The following SLC6A2 variants were observed in gnomAD, a reference collection of about 807,000 sequenced individuals.
The protein encoded by SLC6A2 is sodium-dependent noradrenaline transporter.
In SLC6A2, 26 loss-of-function variants were observed where a neutral mutation model predicts 71.7. The ratio of observed to expected loss-of-function variants is 0.36; its 90% CI spans 0.27 to 0.50. The LOEUF is 0.50. Among genes scored for constraint, SLC6A2 ranks in the 20% least tolerant of loss-of-function variants. SLC6A2 has a pLI of 0.96. For synonymous variants in SLC6A2, 363 were observed against 337.9 expected (o/e 1.07, Z -0.82); for missense variants, 581 against 803.9 (o/e 0.72, Z 3.35).
Position 55,702,756 on chromosome 16 carries a change from AAAAAACT to A in SLC6A2, c.*415_*421del, listed in dbSNP as rs1567461548. The A allele has an allele frequency of 3.8e-6, 4 of 1,052,748 alleles. No individual in the cohort carries two copies. The African/African-American group carries it at 7.0e-5, about 18-fold the overall frequency. 65.2% of individuals were successfully genotyped at this position (1,052,748 alleles called of 1,614,324 possible). A position where few individuals can be genotyped will look rare whatever the true frequency, so the allele number is the denominator to read the frequency against. On this transcript the variant is annotated 3_prime_UTR_variant, in exon 15 of 15. Coordinates refer to ENST00000568943, the MANE Select transcript of SLC6A2 (RefSeq NM_001172501.3). ...GATCAGATACCCCTCCCAAAAAAAA[AAAAAACT>A]AAAACTAAAGCAAAAATCAAACAAA... is the stretch of plus-strand genomic sequence containing the variant.
intron 7 of SLC6A2, among the ~76,000 whole-genome samples, chr16:55,694,470 G>C (rs776152906): frequency 1.8e-4 from 27 of 152,112 alleles, no homozygotes; most frequent in Non-Finnish European, 2.8e-4. Context: ...CTGAGGGCCT[G>C]GCAGGGTCAG....
At chr16:55,673,130 C>G (rs1964975342) in intron 4 of SLC6A2, among the ~76,000 whole-genome samples, 5 of 152,318 alleles carry the variant, frequency 3.3e-5, no homozygotes, top group Non-Finnish European at 1.5e-5. Context: ...ATTTTCATGA[C>G]CTTGACACTT....
At chr16:55,658,400 C>T (rs188353355) in intron 2 of SLC6A2, among the ~76,000 whole-genome samples, 3 of 152,208 alleles carry the variant, frequency 2.0e-5, no homozygotes, top group Admixed American at 6.5e-5. Context: ...GTAATCCCAG[C>T]TACGCAGGAG....
chr16:55,696,197 T>A, intron 8 of SLC6A2, 28 bp from the exon 9 acceptor site: 1 of 1,369,474 alleles, frequency 7.3e-7, no homozygotes. Flanking sequence ...GTTTCAGCCA[T>A]TGATGAGGTC....
chr16:55,698,264 C>T (rs1158492689), intron 10 of SLC6A2, among the ~76,000 whole-genome samples: 2 of 152,112 alleles, frequency 1.3e-5, no homozygotes, highest in Non-Finnish European at 2.9e-5. Context: ...CAGCAAAAGT[C>T]CCTTTGGAAC....
intron 5 of SLC6A2, among the ~76,000 whole-genome samples, chr16:55,690,845 G>T (rs1965594781): frequency 6.6e-6 from 1 of 152,178 alleles, no homozygotes. Flanking sequence ...GGGTGAGAAG[G>T]AATAGCAAGG....
In SLC6A2 at chr16:55,702,347, G is replaced by A. The variant is rs754462380; in HGVS notation, c.*1G>A. 8 of 1,614,124 alleles carry A rather than the reference G, an allele frequency of 5.0e-6. No homozygotes were observed. The Admixed American group carries it at 1.3e-4, about 27-fold the overall frequency. On this transcript the variant is annotated 3_prime_UTR_variant, in exon 15 of 15. Transcript: ENST00000568943. Reference sequence around the variant, plus strand: ...GTTGCAACACTGGCTGGCCATCTGAGCCTGCCTGGAGGAGAAGGAGGAACC... The same window carrying A: ...GTTGCAACACTGGCTGGCCATCTGAACCTGCCTGGAGGAGAAGGAGGAACC...
intron 13 of SLC6A2, 50 bp downstream of exon 13, chr16:55,700,356 G>A: frequency 2.1e-6 from 3 of 1,451,604 alleles, no homozygotes; most frequent in Non-Finnish European, 2.9e-6. Flanking sequence ...GGCTGAGGGG[G>A]AAGACGGGAC....
intron 2 of SLC6A2, among the ~76,000 whole-genome samples, chr16:55,669,279 C>A (rs1964838037): frequency 6.6e-6 from 1 of 152,182 alleles, no homozygotes; most frequent in African/African-American, 2.4e-5. Context: ...TCACAGCATG[C>A]ACTTGTGTAT....
chr16:55,702,990 T>C lies in SLC6A2; in HGVS notation c.*644T>C. ...TTCACTCTGGCCAATCTGAGTTTGA[T>C]GTGTGTGTTCTGGAACATTCCTCCA... On this transcript the variant is annotated 3_prime_UTR_variant, in exon 15 of 15. Transcript: ENST00000568943. The C allele has an allele frequency of 1.0e-6, 1 of 988,116 alleles. No individual in the cohort carries two copies. Among genetic ancestry groups the C allele is most frequent in the Non-Finnish European group, 1.2e-6 (1 of 831,686 alleles). 61.2% of individuals were successfully genotyped at this position (988,116 alleles called of 1,614,324 possible).
chr16:55,694,037 T>A lies in SLC6A2; in HGVS notation c.946T>A (p.Phe316Ile). Reference protein sequence around the residue: ...TVWIDAATQIFFSLGAGFGVL... With the variant: ...TVWIDAATQIIFSLGAGFGVL... The stretch of plus-strand genomic sequence containing the variant: ...ATGGATTGATGCCGCAACTCAGATA[T>A]TTTTTTCCTTGGGGGCTGGATTTGG... Residue 316 changes from phenylalanine to isoleucine, a missense_variant, in exon 7 of 15, where the codon TTT becomes ATT. By Grantham distance (21) the Phe-to-Ile change is conservative (BLOSUM62 0). Around this residue, in one of 5 missense-constraint regions of SLC6A2, gnomAD observed 334 missense variants for 449.0 expected, o/e 0.74. Coordinates refer to ENST00000568943, the MANE Select transcript of SLC6A2 (RefSeq NM_001172501.3). 6.2e-7 allele frequency: 1 copy of A among 1,612,754 alleles called. No homozygotes were observed. Among genetic ancestry groups the A allele is most frequent in the Non-Finnish European group, 8.5e-7 (1 of 1,178,704 alleles).
At position 55,671,985 on chromosome 16, in the gene SLC6A2, T is replaced by A; in HGVS notation, c.454T>A (p.Tyr152Asn). 6.2e-7 allele frequency: 1 copy of A among 1,614,140 alleles called. No homozygotes were observed. Among genetic ancestry groups the A allele is most frequent in the South Asian group, 1.1e-5 (1 of 91,072 alleles). ...GATCGCCCTGTACGTTGGCTTCTAC[T>A]ACAACGTCATCATCGCCTGGTCACT... is the stretch of plus-strand genomic sequence containing the variant. ...ILIALYVGFY[Y>N]NVIIAWSLYY... Residue 152 changes from tyrosine to asparagine, a missense_variant, in exon 4 of 15, where the codon TAC becomes AAC. Physicochemically the swap from Tyr to Asn is moderately radical, Grantham distance 143. Coordinates refer to ENST00000568943, the MANE Select transcript of SLC6A2 (RefSeq NM_001172501.3).
intron 5 of SLC6A2, among the ~76,000 whole-genome samples, chr16:55,688,705 ATGCTGATGC>A (rs1965529745): frequency 6.6e-6 from 1 of 152,162 alleles, no homozygotes; most frequent in African/African-American, 2.4e-5. Context: ...CACCTAGGTG[ATGCTGATGC>A]TGCTGGTCTA....
chr16:55,664,553 A>G (rs1964695940), intron 2 of SLC6A2, among the ~76,000 whole-genome samples: 1 of 152,188 alleles, frequency 6.6e-6, no homozygotes, highest in Non-Finnish European at 1.5e-5. Context: ...TTTCCAGTGG[A>G]CAGAGCTGCT....
intron 8 of SLC6A2, among the ~76,000 whole-genome samples, 161 bp downstream of exon 8, chr16:55,695,563 TG>T (rs1965771545): frequency 6.6e-6 from 1 of 152,222 alleles, no homozygotes. Context: ...AGGTTATTAG[TG>T]GGCATTCCAG....
At chr16:55,662,468 T>G (rs893912293) in intron 2 of SLC6A2, among the ~76,000 whole-genome samples, 7 of 152,218 alleles carry the variant, frequency 4.6e-5, no homozygotes, top group African/African-American at 1.4e-4. Context: ...GTTTGTCATT[T>G]TTGATTCCAA....
Position 55,702,930 on chromosome 16 carries a change from T to G in SLC6A2, c.*584T>G. 1.0e-6 allele frequency: 1 copy of G among 988,458 alleles called. No homozygotes were observed. The allele number at this position is 988,458 out of a possible 1,614,324, so 61.2% of individuals were successfully genotyped here. The stretch of plus-strand genomic sequence containing the variant: ...AAATGAAGTCAGTGGATAGATGCTT[T>G]GAGGGATTTTGAGTAGAAACATTCA... On this transcript the variant is annotated 3_prime_UTR_variant, in exon 15 of 15. Coordinates refer to ENST00000568943, the MANE Select transcript of SLC6A2 (RefSeq NM_001172501.3).
chr16:55,670,787 A>G (rs1446014868), intron 3 of SLC6A2, among the ~76,000 whole-genome samples: 1 of 152,210 alleles, frequency 6.6e-6, no homozygotes, highest in Non-Finnish European at 1.5e-5. Context: ...ATGCCCATCT[A>G]CTAACCAATC....
chr16:55,702,142 G>T (rs527817670), intron 14 of SLC6A2, among the ~76,000 whole-genome samples, 181 bp from the exon 15 acceptor site: 1 of 152,346 alleles, frequency 6.6e-6, no homozygotes, highest in Non-Finnish European at 1.5e-5. Flanking sequence ...CTTTGGGGAG[G>T]TTCTGCTGCC....
Sources: gnomAD v4.1 joint callset for allele counts (sites outside exome capture counted in the v4.1 genomes callset) on GRCh38, gnomAD v4.1.1 for gene constraint, gnomAD v4.1.1 regional missense constraint, MANE v1.5 for transcripts, NCBI Gene and HGNC (gene_info 2026-07-23, HGNC 2026-07-21) for gene names.